The following PDE4D variants were observed in gnomAD, a reference collection of about 807,000 sequenced individuals.
PDE4D encodes phosphodiesterase 4D.
A neutral mutation model predicts 87.4 loss-of-function variants in PDE4D; 24 were observed. The observed-to-expected ratio is 0.27, with a 90% confidence interval of 0.20 to 0.39. The LOEUF is 0.39. PDE4D is among the 10% of genes least tolerant of loss of function. PDE4D has a pLI of 1.00. For synonymous variants in PDE4D, 384 were observed against 383.2 expected, an observed-to-expected ratio of 1.00 and a Z score of -0.02; for missense variants, 714 against 1,041.0, an observed-to-expected ratio of 0.69 and a Z score of 4.32.
At chr5:59,811,656 C>T (rs1206571878) in intron 1 of PDE4D, among the ~76,000 whole-genome samples, 1 of 152,186 alleles carries the variant, frequency 6.6e-6, no homozygotes, top group Non-Finnish European at 1.5e-5. Context: ...TCAGGCTAAC[C>T]TCCTGTCCAG....
intron 1 of PDE4D, among the ~76,000 whole-genome samples, chr5:59,327,051 G>T (rs1413839435): frequency 1.3e-5 from 2 of 150,614 alleles, no homozygotes; most frequent in Non-Finnish European, 3.0e-5. Flanking sequence ...CTTTATTCTT[G>T]GCAACTCTTT....
At chr5:59,314,899 T>C (rs1016866009) in intron 1 of PDE4D, 1 of 151,802 alleles carries the variant, frequency 6.6e-6, no homozygotes, top group East Asian at 1.9e-4. Context: ...AGGTGATAGA[T>C]GCAGGAGGCA....
chr5:59,539,600 C>T (rs1451895838), intron 1 of PDE4D, among the ~76,000 whole-genome samples: 1 of 151,890 alleles, frequency 6.6e-6, no homozygotes, highest in Non-Finnish European at 1.5e-5. Context: ...GTGTTCCTGC[C>T]TCAAAAAAGA....
intron 1 of PDE4D, chr5:59,586,413 C>G (rs374843905): frequency 1.9e-6 from 3 of 1,605,638 alleles, no homozygotes; most frequent in Non-Finnish European, 2.5e-6. Context: ...TTTCTTGTCT[C>G]CTACGTTACA....
chr5:60,472,011 G>T (rs1019787961), intron 1 of PDE4D, among the ~76,000 whole-genome samples: 2 of 152,014 alleles, frequency 1.3e-5, no homozygotes, highest in Non-Finnish European at 2.9e-5. Context: ...TAGTTATATG[G>T]TTTTGGGCAA....
chr5:59,522,746 C>A (rs1281785154), intron 1 of PDE4D, among the ~76,000 whole-genome samples: 5 of 152,126 alleles, frequency 3.3e-5, no homozygotes, highest in African/African-American at 9.7e-5. Context: ...ATTTTCAGAG[C>A]ATTACACATG....
At chr5:59,991,180 C>T (rs1329975935) in intron 2 of PDE4D, among the ~76,000 whole-genome samples, 1 of 151,994 alleles carries the variant, frequency 6.6e-6, no homozygotes, top group Non-Finnish European at 1.5e-5. Flanking sequence ...AATTTTATCC[C>T]CTGCTCTGCC....
At chr5:60,496,189 C>G (rs1001882669) in intron 1 of PDE4D, among the ~76,000 whole-genome samples, 5 of 152,126 alleles carry the variant, frequency 3.3e-5, no homozygotes, top group Non-Finnish European at 7.3e-5. Context: ...AGGAAATCTT[C>G]TGTTTGCTTT....
chr5:59,758,733 G>A (rs775916060), intron 1 of PDE4D, among the ~76,000 whole-genome samples: 3 of 152,096 alleles, frequency 2.0e-5, no homozygotes, highest in Non-Finnish European at 2.9e-5. Flanking sequence ...ATGAGTCACA[G>A]AATTATTAAA....
intron 1 of PDE4D, among the ~76,000 whole-genome samples, chr5:59,402,133 G>A (rs1238062963): frequency 1.3e-5 from 2 of 152,202 alleles, no homozygotes; most frequent in Admixed American, 1.3e-4. Flanking sequence ...AACTCAAGTA[G>A]AATCAACAAT....
At chr5:60,222,207 C>T (rs114866220) in intron 1 of PDE4D, among the ~76,000 whole-genome samples, 15 of 152,188 alleles carry the variant, frequency 9.9e-5, no homozygotes, top group South Asian at 2.1e-4. Flanking sequence ...AGGACACTCA[C>T]GCAGCAGTAT....
chr5:59,704,732 T>C (rs1753133672), intron 1 of PDE4D, among the ~76,000 whole-genome samples: 1 of 152,176 alleles, frequency 6.6e-6, no homozygotes, highest in Non-Finnish European at 1.5e-5. Context: ...TTGTGTGGTG[T>C]CCATGAACAA....
chr5:60,392,646 T>C lies in PDE4D; in HGVS notation c.-90+95296A>G, dbSNP rs75427821. Reference sequence around the variant, plus strand: ...TTAATTAGAGATGCACATTAGGAAATTGTCCATGCTGCTGCTATGTAGCTA... The same window carrying C: ...TTAATTAGAGATGCACATTAGGAAACTGTCCATGCTGCTGCTATGTAGCTA... On this transcript the variant is annotated intron_variant, in intron 1 of 16. Coordinates refer to the PDE4D transcript ENST00000502484. Among the ~76,000 whole-genome samples the C allele has an allele frequency of 9.1e-3, 1,392 of 152,306 alleles. 16 individuals are homozygous for C. The highest frequency in any genetic ancestry group is 0.032 in the African/African-American group (1,313 of 41,562).
intron 1 of PDE4D, among the ~76,000 whole-genome samples, chr5:59,662,040 G>C (rs1204230829): frequency 6.6e-6 from 1 of 152,136 alleles, no homozygotes; most frequent in African/African-American, 2.4e-5. Flanking sequence ...TGTGAGTGGA[G>C]ATGACAGTCT....
chr5:59,772,852 G>A (rs186254716), intron 1 of PDE4D, among the ~76,000 whole-genome samples: 1 of 152,172 alleles, frequency 6.6e-6, no homozygotes, highest in African/African-American at 2.4e-5. Flanking sequence ...GAAGGTATGG[G>A]TTAATTTTAG....
At chr5:59,473,263 G>A (rs770993674) in intron 1 of PDE4D, among the ~76,000 whole-genome samples, 1 of 151,978 alleles carries the variant, frequency 6.6e-6, no homozygotes, top group Non-Finnish European at 1.5e-5. Context: ...CAAATATATA[G>A]TTTAGACTCT....
intron 5 of PDE4D, among the ~76,000 whole-genome samples, chr5:59,140,535 G>A (rs967716252): frequency 1.3e-5 from 2 of 152,156 alleles, no homozygotes; most frequent in African/African-American, 4.8e-5. Context: ...TTGCACAAAT[G>A]AAAATGGTAA....
At chr5:59,143,387 A>G (rs1561560293) in intron 5 of PDE4D, among the ~76,000 whole-genome samples, 2 of 152,252 alleles carry the variant, frequency 1.3e-5, no homozygotes, top group Non-Finnish European at 2.9e-5. Context: ...CTAAAGATCA[A>G]GTAGATGTAT....
intron 1 of PDE4D, among the ~76,000 whole-genome samples, chr5:59,248,888 T>C (rs1354372457): frequency 6.6e-6 from 1 of 152,094 alleles, no homozygotes; most frequent in Non-Finnish European, 1.5e-5. Flanking sequence ...AAGAGCTAGG[T>C]TAAAAAATCA....
Sources: gnomAD v4.1 joint callset for allele counts (sites outside exome capture counted in the v4.1 genomes callset) on GRCh38, gnomAD v4.1.1 for gene constraint, MANE v1.5 for transcripts, NCBI Gene and HGNC (gene_info 2026-07-23, HGNC 2026-07-21) for gene names.